Variants in ANKAR observed in about 807,000 individuals in gnomAD.
ANKAR encodes ankyrin and armadillo repeat-containing protein.
Under a neutral mutation model 146.2 loss-of-function variants are expected in ANKAR, and 136 were observed. The observed-to-expected ratio is 0.93, with a 90% CI of 0.81 to 1.07. ANKAR has a LOEUF of 1.07. Ranked by LOEUF, ANKAR falls within the 50% of genes least tolerant of loss-of-function variation. The pLI, the probability that ANKAR is intolerant of heterozygous loss-of-function variation, is 0.00. For missense variants in ANKAR, 1,567 were observed against 1,679.9 expected, an observed-to-expected ratio of 0.93 and a Z score of 1.18; for synonymous variants, 500 against 575.8, an observed-to-expected ratio of 0.87 and a Z score of 1.88.
At chr2:189,758,077 G>A (rs575587351) in intron 18 of ANKAR, among the ~76,000 whole-genome samples, 12 of 152,186 alleles carry the variant, frequency 7.9e-5, no homozygotes, top group African/African-American at 2.6e-4. Flanking sequence ...GAGTTCTCAT[G>A]AGATCTTGTT....
chr2:189,744,768 T>G lies in ANKAR; in HGVS notation c.4037T>G (p.Ile1346Arg). 1 of 1,595,086 alleles carries G rather than the reference T, an allele frequency of 6.3e-7. No homozygotes were observed. The highest frequency in any genetic ancestry group is 8.6e-7 in the Non-Finnish European group (1 of 1,164,586). Reference protein sequence around the residue: ...LSLEKNGGPSIIPIFKRGKEH... With the variant: ...LSLEKNGGPSRIPIFKRGKEH... Reference sequence around the variant, plus strand: ...CTGGAGAAGAATGGAGGACCATCCATAATTCCTATCTTTAAAAGAGGTAAT... The same window carrying G: ...CTGGAGAAGAATGGAGGACCATCCAGAATTCCTATCTTTAAAAGAGGTAAT... Residue 1346 changes from isoleucine (I) to arginine (R), a missense_variant, in exon 22 of 23, where the codon ATA becomes AGA. By Grantham distance (97) the Ile-to-Arg change is moderately conservative (BLOSUM62 -3). Transcript: ENST00000684021.
At chr2:189,682,512 C>A (rs1337396452) in intron 2 of ANKAR, among the ~76,000 whole-genome samples, 1 of 152,036 alleles carries the variant, frequency 6.6e-6, no homozygotes, top group African/African-American at 2.4e-5. Context: ...ACAGGTTTCC[C>A]CATCATGCAC....
At chr2:189,741,230 G>T in intron 19 of ANKAR, 112 bp from the exon 20 acceptor site, 1 of 610,284 alleles carries the variant, frequency 1.6e-6, no homozygotes, top group Admixed American at 3.3e-5. Flanking sequence ...CTGCTTCATT[G>T]ACAGAGATGT....
downstream of ANKAR, among the ~76,000 whole-genome samples, chr2:189,747,613 C>A (rs1440006): frequency 0.91 from 138,181 of 152,196 alleles, 62,848 homozygotes; most frequent in Admixed American, 0.95. Flanking sequence ...ATAGCAATGT[C>A]TGCTTCTCCT....
At chr2:189,710,636 C>CA (rs1399298888) in intron 9 of ANKAR, among the ~76,000 whole-genome samples, 3 of 151,474 alleles carry the variant, frequency 2.0e-5, no homozygotes, top group Admixed American at 1.3e-4. Context: ...GCTGTCTCTG[C>CA]AAAAAAAATA....
intron 17 of ANKAR, among the ~76,000 whole-genome samples, chr2:189,734,785 G>A (rs1183216918): frequency 6.6e-6 from 1 of 152,012 alleles, no homozygotes; most frequent in Non-Finnish European, 1.5e-5. Flanking sequence ...CCAATATGGT[G>A]AAACCCCATC....
At chr2:189,757,568 T>C (rs553115288) in intron 18 of ANKAR, among the ~76,000 whole-genome samples, 5 of 152,364 alleles carry the variant, frequency 3.3e-5, no homozygotes, top group African/African-American at 1.2e-4. Flanking sequence ...GTCATTATTA[T>C]CATTTTACAG....
Position 189,696,367 on chromosome 2 carries a change from A to G in ANKAR, c.1706A>G (p.Gln569Arg), listed in dbSNP as rs755464605. The part of the protein sequence containing the change: ...VNQRRFVTFS[Q>R]GPTPLHLAAQ... ...CAGAGGCGCTTTGTTACGTTCAGCC[A>G]AGGTACCATAAAGTTTTTTAACCTA... The change falls in exon 7 of 23, where the codon CAA (glutamine) becomes CGA (arginine). Residue 569 changes from glutamine to arginine, a missense_variant and splice_region_variant. Gln to Arg is a conservative substitution (Grantham distance 43, BLOSUM62 1). Coordinates refer to ENST00000684021, the MANE Select transcript of ANKAR (RefSeq NM_001378068.1). 1.2e-6 allele frequency: 2 copies of G among 1,608,612 alleles called. No homozygotes were observed. Among genetic ancestry groups the G allele is most frequent in the Admixed American group, 3.4e-5 (2 of 58,794 alleles).
At position 189,711,167 on chromosome 2, in the gene ANKAR, T is replaced by C; in HGVS notation, c.2224+14T>C. 1.3e-6 allele frequency: 2 copies of C among 1,569,554 alleles called. No individual in the cohort carries two copies. Among genetic ancestry groups the C allele is most frequent in the Non-Finnish European group, 1.7e-6 (2 of 1,143,056 alleles). On this transcript the variant is annotated intron_variant, in intron 10 of 22. Transcript: ENST00000684021. Reference sequence around the variant, plus strand: ...TTTTGGATGCAGGTGATGCAAACTCTATTAATAACTTTTTATGCTATTTTA... The same window carrying C: ...TTTTGGATGCAGGTGATGCAAACTCCATTAATAACTTTTTATGCTATTTTA...
chr2:189,704,569 A>G (rs2038606730), intron 7 of ANKAR, among the ~76,000 whole-genome samples: 2 of 112,176 alleles, frequency 1.8e-5, no homozygotes, highest in Non-Finnish European at 3.8e-5. Flanking sequence ...ATATATATAT[A>G]TATATATATA....
At chr2:189,702,050 C>G (rs1374495041) in intron 7 of ANKAR, among the ~76,000 whole-genome samples, 7 of 152,138 alleles carry the variant, frequency 4.6e-5, no homozygotes, top group Non-Finnish European at 1.0e-4. Flanking sequence ...TCCTCTCCCC[C>G]TGTCCCTTAG....
chr2:189,745,322 T>G (rs1427500234), intron 22 of ANKAR, among the ~76,000 whole-genome samples: 1 of 152,174 alleles, frequency 6.6e-6, no homozygotes, highest in Non-Finnish European at 1.5e-5. Context: ...TTCCCTATTA[T>G]ATCACTTGAA....
Position 189,676,805 on chromosome 2 carries a change from AGAGTTGGCTATTG to A in ANKAR, c.318_330del (p.Leu107PhefsTer4). The A allele has an allele frequency of 1.9e-6, 3 of 1,614,152 alleles. No individual in the cohort carries two copies. The highest frequency in any genetic ancestry group is 2.5e-6 in the Non-Finnish European group (3 of 1,180,014). On this transcript the variant is annotated frameshift_variant, in exon 2 of 23. Coordinates refer to ENST00000684021, the MANE Select transcript of ANKAR (RefSeq NM_001378068.1). LOFTEE classifies it high-confidence loss of function. ...ATAGAGAGGTCCATCAAATGATAAG[AGAGTTGGCTATTG>A]GAATTTATTGCCTAAATCAAATCCC...
At chr2:189,695,291 T>G in intron 6 of ANKAR, 130 bp downstream of exon 6, 2 of 718,342 alleles carry the variant, frequency 2.8e-6, no homozygotes, top group Admixed American at 3.4e-5. Context: ...AAATGCCACA[T>G]TTTAGTAGCT....
chr2:189,696,313 A>G lies in ANKAR; in HGVS notation c.1652A>G (p.Gln551Arg), dbSNP rs1345293380. Residue 551 changes from glutamine to arginine, a missense_variant, in exon 7 of 23, where the codon CAA becomes CGA. Gln to Arg is a conservative substitution (Grantham distance 43). Transcript: ENST00000684021. ...CACAACAGAGTTTCTATTATATGTC[A>G]ACTGTGCAATGCTAACTTCAAGGTC... ...ALHNRVSIIC[Q>R]LCNANFKVNQ... is the part of the protein sequence containing the mutation. 6.2e-7 allele frequency: 1 copy of G among 1,614,078 alleles called. No individual in the cohort carries two copies.
intron 2 of ANKAR, among the ~76,000 whole-genome samples, chr2:189,685,038 C>T (rs1039943347): frequency 6.6e-6 from 1 of 151,876 alleles, no homozygotes; most frequent in Non-Finnish European, 1.5e-5. Flanking sequence ...CAAGCTCTTA[C>T]TCTGTCACCC....
At chr2:189,731,380 T>TC (rs1214824842) in intron 16 of ANKAR, among the ~76,000 whole-genome samples, 2 of 148,906 alleles carry the variant, frequency 1.3e-5, no homozygotes, top group Admixed American at 6.7e-5. Flanking sequence ...TTTTTTCTTT[T>TC]TTTTTTTTTT....
chr2:189,744,892 T>C (rs2043827285), intron 22 of ANKAR, 104 bp downstream of exon 22: 3 of 853,616 alleles, frequency 3.5e-6, no homozygotes, highest in Non-Finnish European at 5.5e-6. Context: ...GCACAGTGGC[T>C]CATGCCTGTA....
intron 2 of ANKAR, among the ~76,000 whole-genome samples, chr2:189,687,871 G>A (rs1378735344): frequency 1.3e-5 from 2 of 152,102 alleles, no homozygotes; most frequent in Non-Finnish European, 2.9e-5. Context: ...GCCCTTGTTG[G>A]ATAGATAGTT....
Sources: allele counts gnomAD v4.1 joint callset (sites outside exome capture counted in the v4.1 genomes callset), GRCh38; gene constraint gnomAD v4.1.1; transcripts MANE v1.5; gene names NCBI Gene and HGNC (gene_info 2026-07-23, HGNC 2026-07-21).